ARSG: variants seen among roughly 807,000 people sequenced by gnomAD.
The protein encoded by ARSG is ASG.
Under a neutral mutation model 50.5 loss-of-function variants are expected in ARSG, and 37 were observed. The ratio of observed to expected loss-of-function variants is 0.73; its 90% confidence interval spans 0.56 to 0.96. The LOEUF (loss-of-function observed/expected upper bound fraction) is 0.96, where lower values mean the gene tolerates loss of function less well. ARSG is among the 50% of genes least tolerant of loss of function. ARSG has a pLI of 0.00. For synonymous variants in ARSG, 225 were observed against 254.6 expected, an observed-to-expected ratio of 0.88 and a Z score of 1.11; for missense variants, 629 against 675.3, an observed-to-expected ratio of 0.93 and a Z score of 0.76.
At chr17:68,442,351 G>C in the ARSG span, among the ~76,000 whole-genome samples, 4 of 151,848 alleles carry the variant, frequency 2.6e-5, no homozygotes, top group South Asian at 8.3e-4. Context: ...TGTAGTCCCA[G>C]CTACTCAGGA....
intron 1 of ARSG, among the ~76,000 whole-genome samples, chr17:68,260,930 ACTT>A (rs781795224): frequency 2.6e-4 from 39 of 152,234 alleles, no homozygotes; most frequent in Non-Finnish European, 4.7e-4. Flanking sequence ...AGACCTCCAT[ACTT>A]AACCCAGTAT....
At chr17:68,280,970 C>T (rs1017787060) in intron 1 of ARSG, among the ~76,000 whole-genome samples, 16 of 151,674 alleles carry the variant, frequency 1.1e-4, no homozygotes, top group African/African-American at 1.9e-4. Flanking sequence ...ACTGAAAATA[C>T]GAAAAATTAA....
chr17:68,283,131 A>G (rs2075750828), intron 1 of ARSG: 2 of 151,980 alleles, frequency 1.3e-5, no homozygotes, highest in African/African-American at 4.8e-5. Context: ...TGTCTAAAAA[A>G]AATTTTTTTT....
intron 2 of ARSG, among the ~76,000 whole-genome samples, chr17:68,319,164 C>G (rs1363730342): frequency 1.3e-5 from 2 of 152,150 alleles, no homozygotes; most frequent in East Asian, 1.9e-4. Flanking sequence ...CTTCCTCTTT[C>G]ATGTAATTCC....
rs2081374793 is a variant in ARSG at position 68,399,227 on chromosome 17, C to T, written c.1213-2133C>T. 6.6e-6 allele frequency among the ~76,000 whole-genome samples: 1 copy of T among 152,076 alleles called. No individual in the cohort carries two copies. Among genetic ancestry groups the T allele is most frequent in the African/African-American group, 2.4e-5 (1 of 41,404 alleles). ...GCTGATCACTTCTCTTAGGGAGGCCCCTAGTGGCGAGAGATGTCATCTGGC... is the reference window on the plus strand; with the variant it reads ...GCTGATCACTTCTCTTAGGGAGGCCTCTAGTGGCGAGAGATGTCATCTGGC... On this transcript the variant is annotated intron_variant, in intron 10 of 11. Transcript: ENST00000621439. The surrounding 1 kb of genome is among the most constrained non-coding windows in gnomAD (Gnocchi z 4.6).
intron 2 of ARSG, among the ~76,000 whole-genome samples, chr17:68,335,033 G>C (rs2077951805): frequency 6.6e-6 from 1 of 152,096 alleles, no homozygotes; most frequent in Non-Finnish European, 1.5e-5. Context: ...GTCTCACTCT[G>C]TCACCCAGGT....
rs1170581934 is a variant in ARSG at position 68,291,543 on chromosome 17, G to C, written c.-577G>C. The C allele has an allele frequency of 6.6e-6, 1 of 150,534 alleles. No individual in the cohort carries two copies. The highest frequency in any genetic ancestry group is 2.0e-4 in the East Asian group (1 of 5,004). 9.3% of individuals were successfully genotyped at this position (150,534 alleles called of 1,614,324 possible). On this transcript the variant is annotated 5_prime_UTR_variant, in exon 1 of 12. Coordinates refer to ENST00000621439, the MANE Select transcript of ARSG (RefSeq NM_001267727.2). ...GCGCCGGTCGCGCGCCCGCCAGCCTGCCGCCTGGGCTGGGGGTCACGAAAG... is the reference window on the plus strand; with the variant it reads ...GCGCCGGTCGCGCGCCCGCCAGCCTCCCGCCTGGGCTGGGGGTCACGAAAG...
At chr17:68,278,483 T>C (rs969723472) in intron 1 of ARSG, among the ~76,000 whole-genome samples, 1 of 152,202 alleles carries the variant, frequency 6.6e-6, no homozygotes, top group African/African-American at 2.4e-5. Context: ...GGAGTCTTGC[T>C]CTGTCATCCA....
In ARSG at chr17:68,271,094, T is replaced by C; in HGVS notation, c.-552+11668T>C. The C allele has an allele frequency of 6.2e-7, 1 of 1,614,178 alleles. No homozygotes were observed. Among genetic ancestry groups the C allele is most frequent in the South Asian group, 1.1e-5 (1 of 91,078 alleles). On this transcript the variant is annotated intron_variant, in intron 1 of 11. Transcript: ENST00000448504. This position sits in a 1 kb window ranked among gnomAD's most constrained non-coding sequence, Gnocchi z 5.3. The stretch of plus-strand genomic sequence containing the variant: ...ATGAGCTCAATGTAAATCTTACGAA[T>C]GGGCTCCCTGTTGAGGACAAAACCA...
chr17:68,269,666 A>G lies in ARSG; in HGVS notation c.-552+10240A>G, dbSNP rs183022137. Among the ~76,000 whole-genome samples, 500 of 60,230 alleles carry G rather than the reference A, an allele frequency of 8.3e-3. 4 individuals are homozygous for G. Among genetic ancestry groups the G allele is most frequent in the African/African-American group, 0.051 (485 of 9,444 alleles). 39.5% of individuals were successfully genotyped at this position (60,230 alleles called of 152,430 possible). On this transcript the variant is annotated intron_variant, in intron 1 of 11. Coordinates refer to the ARSG transcript ENST00000448504. ...AACTGTATTATTTTCACTTGAGTTC[A>G]CTTTAGGTTTTTTTTTTTTTTTTTT...
chr17:68,323,965 T>C (rs564687584), intron 2 of ARSG, among the ~76,000 whole-genome samples: 9 of 149,686 alleles, frequency 6.0e-5, no homozygotes, highest in Admixed American at 2.7e-4. Flanking sequence ...CCCAGCTATT[T>C]GGGAGGCTGA....
chr17:68,408,760 A>G (rs1458178597), intron 11 of ARSG, among the ~76,000 whole-genome samples: 2 of 150,900 alleles, frequency 1.3e-5, no homozygotes, highest in African/African-American at 4.8e-5. Flanking sequence ...AAGTGTTCCT[A>G]TTTCTCCACA....
the ARSG span, chr17:68,444,597 C>T: frequency 6.2e-7 from 1 of 1,610,218 alleles, no homozygotes; most frequent in Non-Finnish European, 8.5e-7. Context: ...CCTCTGTAAT[C>T]ACACAGACTT....
chr17:68,372,048 G>T (rs2079872719), intron 8 of ARSG, among the ~76,000 whole-genome samples: 1 of 152,148 alleles, frequency 6.6e-6, no homozygotes, highest in Non-Finnish European at 1.5e-5. Context: ...AACTGGTATT[G>T]TTTGTTTCAT....
chr17:68,338,405 G>A (rs947671524), intron 2 of ARSG, among the ~76,000 whole-genome samples: 6 of 152,176 alleles, frequency 3.9e-5, no homozygotes, highest in African/African-American at 1.2e-4. Context: ...AAGACTGGCT[G>A]TGGAGTGGGC....
Position 68,360,796 on chromosome 17 carries a change from C to T in ARSG, c.704+3992C>T, listed in dbSNP as rs1297450368. Among the ~76,000 whole-genome samples the T allele has an allele frequency of 3.9e-5, 6 of 152,064 alleles. No individual in the cohort carries two copies. In the East Asian group the frequency reaches 7.7e-4, roughly 20 times the overall value. On this transcript the variant is annotated intron_variant, in intron 6 of 11. Coordinates refer to ENST00000621439, the MANE Select transcript of ARSG (RefSeq NM_001267727.2). ...GTGTATCGGGCATCAGGATGAGCAG[C>T]GGCCCAGCATGTTTGAAATCAGACA...
chr17:68,281,573 C>CAAATAAAT (rs549607371), intron 1 of ARSG, among the ~76,000 whole-genome samples: 1 of 151,750 alleles, frequency 6.6e-6, no homozygotes, highest in East Asian at 1.9e-4. Flanking sequence ...GACTCTGTCT[C>CAAATAAAT]AAATAAATAA....
At chr17:68,396,996 G>T (rs1251107826) in intron 10 of ARSG, among the ~76,000 whole-genome samples, 1 of 152,184 alleles carries the variant, frequency 6.6e-6, no homozygotes, top group Non-Finnish European at 1.5e-5. Flanking sequence ...TACCATGGCT[G>T]CTAGGAATAA....
intron 1 of ARSG, among the ~76,000 whole-genome samples, chr17:68,293,026 C>T (rs781972808): frequency 3.3e-5 from 5 of 152,290 alleles, no homozygotes; most frequent in Non-Finnish European, 5.9e-5. Context: ...TACCCATTAG[C>T]TCTTGCTGCT....
Sources: allele counts gnomAD v4.1 joint callset (sites outside exome capture counted in the v4.1 genomes callset), GRCh38; gene constraint gnomAD v4.1.1; non-coding constraint Gnocchi (gnomAD v3.1); transcripts MANE v1.5; gene names NCBI Gene and HGNC (gene_info 2026-07-23, HGNC 2026-07-21).